SLC1A5: variants seen among roughly 807,000 people sequenced by gnomAD.
SLC1A5 encodes the protein neutral amino acid transporter B(0).
Under a neutral mutation model 34.9 loss-of-function variants are expected in SLC1A5, and 25 were observed. The ratio of observed to expected loss-of-function variants is 0.72; its 90% CI spans 0.52 to 1.00. The LOEUF (loss-of-function observed/expected upper bound fraction) is 1.00, where lower values mean the gene tolerates loss of function less well. Among genes scored for constraint, SLC1A5 ranks in the 50% least tolerant of loss-of-function variants. The pLI, the probability that SLC1A5 is intolerant of heterozygous loss-of-function variation, is 0.00. For synonymous variants in SLC1A5, 351 were observed against 341.2 expected (o/e 1.03, Z -0.32); for missense variants, 637 against 740.0 (o/e 0.86, Z 1.61).
rs546366553 is a variant in SLC1A5 at position 46,778,618 on chromosome 19, C to T, written c.1058+57G>A. The T allele has an allele frequency of 3.9e-5, 50 of 1,272,196 alleles. 1 individual carries two copies. In the Admixed American group the frequency reaches 5.1e-4, roughly 13 times the overall value. 78.8% of individuals were successfully genotyped at this position (1,272,196 alleles called of 1,614,324 possible). On this transcript the variant is annotated intron_variant, in intron 5 of 7. Transcript: ENST00000542575. ...TGTCCCGGGCAGAGAAAATTTCATC[C>T]GCTCCATGCCGCTTAGCGGATTAAA...
intron 1 of SLC1A5, among the ~76,000 whole-genome samples, chr19:46,785,217 C>CA (rs1040438114): frequency 4.6e-5 from 7 of 152,072 alleles, no homozygotes; most frequent in African/African-American, 1.7e-4. Context: ...CGTGTCTCTA[C>CA]AAAAAATACA....
intron 4 of SLC1A5, among the ~76,000 whole-genome samples, chr19:46,780,742 G>C (rs2055139563): frequency 6.6e-6 from 1 of 152,102 alleles, no homozygotes; most frequent in South Asian, 2.1e-4. Flanking sequence ...AGGCCGAAGA[G>C]GGCGGATCGC....
At chr19:46,784,615 G>T in intron 1 of SLC1A5, 56 bp from the exon 2 acceptor site, 1 of 1,613,908 alleles carries the variant, frequency 6.2e-7, no homozygotes, top group Non-Finnish European at 8.5e-7. Flanking sequence ...GGGCAGCATT[G>T]TCTGAGAGGC....
Position 46,787,920 on chromosome 19 carries a change from C to A in SLC1A5, c.46G>T (p.Glu16Ter). Residue 16 changes from glutamate to a stop codon, truncating the protein, a stop_gained, in exon 1 of 8, where the codon GAG becomes TAG. Coordinates refer to ENST00000542575, the MANE Select transcript of SLC1A5 (RefSeq NM_005628.3). LOFTEE classifies it high-confidence loss of function. This position sits in a 1 kb window ranked among gnomAD's most constrained non-coding sequence, Gnocchi z 5.2. The part of the protein sequence containing the change: ...PRDSKGLAAA[E>*]PTANGGLALA... ...GCCAGGCCCCCGTTGGCGGTGGGCT[C>A]CGCCGCTGCGAGCCCCTTGGAGTCT... 1 of 1,576,512 alleles carries A rather than the reference C, an allele frequency of 6.3e-7. No individual in the cohort carries two copies. Among genetic ancestry groups the A allele is most frequent in the East Asian group, 2.4e-5 (1 of 42,274 alleles).
In SLC1A5 at chr19:46,787,867, C is replaced by T. The variant is rs763034336; in HGVS notation, c.99G>A (p.Ala33=). 8 of 1,559,702 alleles carry T rather than the reference C, an allele frequency of 5.1e-6. No individual in the cohort carries two copies. The East Asian group carries it at 9.7e-5, about 19-fold the overall frequency. Residue 33 remains alanine, a synonymous_variant, in exon 1 of 8, where the codon GCG becomes GCA. Transcript: ENST00000542575. This position sits in a 1 kb window ranked among gnomAD's most constrained non-coding sequence, Gnocchi z 5.2. ...GGGAACCGCAGTAGCCGCCTGCTGC[C>T]GCGCCTTGGTCCTCGATGGAGGCCA... ...LALASIEDQG[A]AAGGYCGSRD...
At chr19:46,784,920 C>T (rs547848714) in intron 1 of SLC1A5, 31 of 1,235,858 alleles carry the variant, frequency 2.5e-5, no homozygotes, top group Admixed American at 1.2e-4. Flanking sequence ...CAGCCACTTC[C>T]TCCTGGAGGG....
rs1026081967 is a variant in SLC1A5, at chr19:46,788,489, C to T, written c.-524G>A. Reference sequence around the variant, plus strand: ...AAACAGGGGACCCAGGCTCTTAGGTCCGGGAGGGTGGGATGCGGGCCCCTG... The same window carrying T: ...AAACAGGGGACCCAGGCTCTTAGGTTCGGGAGGGTGGGATGCGGGCCCCTG... On this transcript the variant is annotated 5_prime_UTR_variant, in exon 1 of 8. Transcript: ENST00000542575. 6.5e-6 allele frequency: 1 copy of T among 153,432 alleles called. No individual in the cohort carries two copies. The highest frequency in any genetic ancestry group is 2.4e-5 in the African/African-American group (1 of 41,466). The allele number at this position is 153,432 out of a possible 1,614,324, so 9.5% of individuals were successfully genotyped here.
At chr19:46,781,742 T>C (rs1318929026) in intron 4 of SLC1A5, among the ~76,000 whole-genome samples, 7 of 152,124 alleles carry the variant, frequency 4.6e-5, no homozygotes, top group Admixed American at 4.6e-4. Context: ...TCCCAGCCAC[T>C]TGTGCAGAGA....
intron 5 of SLC1A5, 76 bp from the exon 6 acceptor site, chr19:46,777,481 T>C: frequency 7.1e-7 from 1 of 1,408,374 alleles, no homozygotes; most frequent in Non-Finnish European, 9.5e-7. Context: ...CCAGCCCAGG[T>C]GAGGCCTCGC....
intron 1 of SLC1A5, among the ~76,000 whole-genome samples, chr19:46,785,831 G>A (rs1248265153): frequency 1.3e-5 from 2 of 152,198 alleles, no homozygotes; most frequent in Non-Finnish European, 2.9e-5. Context: ...AGTAATTCCA[G>A]CCTTTTGGGA....
chr19:46,783,670 C>T lies in SLC1A5; in HGVS notation c.657+427G>A, dbSNP rs563740876. The stretch of plus-strand genomic sequence containing the variant: ...AAATTAGCCAGGTGTGTTATAGTCA[C>T]AGCTACTGGGAAGGCTGAGGTGAGA... On this transcript the variant is annotated intron_variant, in intron 3 of 7. Transcript: ENST00000542575. Among the ~76,000 whole-genome samples the T allele has an allele frequency of 4.6e-5, 7 of 152,190 alleles. No homozygotes were observed. The South Asian group carries it at 1.5e-3, about 32-fold the overall frequency.
Position 46,787,514 on chromosome 19 carries a change from A to G in SLC1A5, c.452T>C (p.Leu151Pro), listed in dbSNP as rs2055195338. Residue 151 changes from leucine (L) to proline (P), a missense_variant, in exon 1 of 8, where the codon CTG (leucine) becomes CCG (proline). Coordinates refer to ENST00000542575, the MANE Select transcript of SLC1A5 (RefSeq NM_005628.3). The surrounding 1 kb of genome is among the most constrained non-coding windows in gnomAD (Gnocchi z 5.2). Reference sequence around the variant, plus strand: ...GGAGGCGGCGCCCGGCTGCAGAGCCAGCGCCAAGCCCACTCCGAGCGCCGA... The same window carrying G: ...GGAGGCGGCGCCCGGCTGCAGAGCCGGCGCCAAGCCCACTCCGAGCGCCGA... ...LASALGVGLA[L>P]ALQPGAASAA... 3 of 1,579,756 alleles carry G rather than the reference A, an allele frequency of 1.9e-6. No homozygotes were observed. Among genetic ancestry groups the G allele is most frequent in the South Asian group, 2.3e-5 (2 of 87,014 alleles).
At chr19:46,784,282 G>A in intron 2 of SLC1A5, 138 bp from the exon 3 acceptor site, 1 of 806,006 alleles carries the variant, frequency 1.2e-6, no homozygotes, top group Non-Finnish European at 2.0e-6. Context: ...AACCCCATGG[G>A]GCAGGATGAT....
intron 3 of SLC1A5, among the ~76,000 whole-genome samples, 163 bp from the exon 4 acceptor site, chr19:46,782,712 G>A (rs548303989): frequency 4.6e-5 from 7 of 152,208 alleles, no homozygotes; most frequent in South Asian, 4.1e-4. Context: ...TATATTAGTC[G>A]TCAGGGATGG....
rs768599476 is a variant in SLC1A5, at chr19:46,782,543, C to T, written c.664G>A (p.Val222Met). 56 of 1,613,818 alleles carry T rather than the reference C, an allele frequency of 3.5e-5. 1 individual carries two copies. The highest frequency in any genetic ancestry group is 2.7e-4 in the South Asian group (25 of 91,078). ...NITGTRVKVP[V>M]GQEVEGMNIL... ...TTCATCCCCTCCACCTCCTGCCCCA[C>T]GGGCACCTGTGGGCAAGGAACAGAT... is the stretch of plus-strand genomic sequence containing the variant. Residue 222 changes from valine to methionine, a missense_variant, in exon 4 of 8, where the codon GTG becomes ATG. Transcript: ENST00000542575.
chr19:46,780,425 C>T (rs542361094), intron 4 of SLC1A5, among the ~76,000 whole-genome samples: 1 of 152,106 alleles, frequency 6.6e-6, no homozygotes, highest in East Asian at 2.0e-4. Flanking sequence ...GCAATCTTGG[C>T]TCACTACAAC....
chr19:46,782,343 C>T (rs71353926), intron 4 of SLC1A5, 40 bp downstream of exon 4: 34 of 459,548 alleles, frequency 7.4e-5, no homozygotes, highest in East Asian at 3.2e-4. Context: ...GACCGACCCT[C>T]CAACCCCACC....
rs552420108 is a variant in SLC1A5, at chr19:46,775,917, T to A, written c.1389-170A>T. ...GTGAGATCCCATCTTTATATATATT[T>A]AAAAAAAAAAAAAATTAGCCAGGCA... On this transcript the variant is annotated intron_variant, in intron 7 of 7. Coordinates refer to ENST00000542575, the MANE Select transcript of SLC1A5 (RefSeq NM_005628.3). Among the ~76,000 whole-genome samples, 177 of 143,122 alleles carry A rather than the reference T, an allele frequency of 1.2e-3. No individual in the cohort carries two copies. Among genetic ancestry groups the A allele is most frequent in the African/African-American group, 3.7e-3 (141 of 38,196 alleles). 93.9% of individuals were successfully genotyped at this position (143,122 alleles called of 152,430 possible).
In SLC1A5 at chr19:46,777,087, C is replaced by T. The variant is rs1379619024; in HGVS notation, c.1276G>A (p.Val426Met). The T allele has an allele frequency of 6.2e-6, 10 of 1,613,886 alleles. No homozygotes were observed. Among genetic ancestry groups the T allele is most frequent in the Admixed American group, 1.7e-5 (1 of 60,000 alleles). Residue 426 changes from valine to methionine, a missense_variant, in exon 7 of 8, where the codon GTG becomes ATG. Transcript: ENST00000542575. ...CCAGCAGGGATGCCCGCTGCCCCCA[C>T]GCTGGACGCTGTGGCCGTGACCCTG... The part of the protein sequence containing the change: ...TILVTATASS[V>M]GAAGIPAGGV...
Sources: allele counts gnomAD v4.1 joint callset (sites outside exome capture counted in the v4.1 genomes callset), GRCh38; gene constraint gnomAD v4.1.1; non-coding constraint Gnocchi (gnomAD v3.1); transcripts MANE v1.5; gene names NCBI Gene and HGNC (gene_info 2026-07-23, HGNC 2026-07-21).